PTPRG: variants seen among roughly 807,000 people sequenced by gnomAD.
PTPRG encodes protein tyrosine phosphatase receptor type G, also known as receptor-type tyrosine-protein phosphatase gamma.
A neutral mutation model predicts 165.3 loss-of-function variants in PTPRG; 102 were observed. The observed-to-expected ratio is 0.62, with a 90% confidence interval of 0.53 to 0.73. PTPRG has a LOEUF of 0.73. Ranked by LOEUF, PTPRG falls within the 30% of genes least tolerant of loss-of-function variation. The pLI is 0.00. For synonymous variants in PTPRG, 675 were observed against 669.5 expected (o/e 1.01, Z -0.13); for missense variants, 1,866 against 1,861.4 (o/e 1.00, Z -0.05).
At chr3:61,576,669 G>A (rs573932537) in intron 1 of PTPRG, among the ~76,000 whole-genome samples, 126 of 152,308 alleles carry the variant, frequency 8.3e-4, no homozygotes, top group Admixed American at 4.0e-3. Flanking sequence ...TTCGAAAATA[G>A]CATGAGAAAG....
intron 5 of PTPRG, among the ~76,000 whole-genome samples, chr3:62,096,168 T>C (rs575858506): frequency 6.6e-5 from 10 of 152,174 alleles, no homozygotes; most frequent in Admixed American, 3.9e-4. Flanking sequence ...AAAAATGATA[T>C]CTTTCTATTA....
chr3:61,636,931 T>A (rs762249821), intron 1 of PTPRG, among the ~76,000 whole-genome samples: 13 of 152,180 alleles, frequency 8.5e-5, no homozygotes, highest in Non-Finnish European at 1.8e-4. Context: ...ATTCTTTGAT[T>A]GATCATATGA....
rs11437496 is a variant in PTPRG, at chr3:61,930,040, A to ATT, written c.191-59571_191-59570dup. ...ATGGTAGAATAACAGATAATGCGGTATTTTTTTTTTTTTTTGCTTTTTACT... is the reference window on the plus strand; with the variant it reads ...ATGGTAGAATAACAGATAATGCGGTATTTTTTTTTTTTTTTTTGCTTTTTACT... On this transcript the variant is annotated intron_variant, in intron 2 of 29. Coordinates refer to ENST00000474889, the MANE Select transcript of PTPRG (RefSeq NM_002841.4). 8.0e-4 allele frequency among the ~76,000 whole-genome samples: 109 copies of ATT among 137,082 alleles called. 3 individuals are homozygous for ATT. Among genetic ancestry groups the ATT allele is most frequent in the South Asian group, 5.8e-3 (25 of 4,318 alleles). The allele number at this position is 137,082 out of a possible 152,430, so 89.9% of individuals were successfully genotyped here.
chr3:62,244,317 A>T (rs1701240181), intron 15 of PTPRG, among the ~76,000 whole-genome samples: 1 of 152,150 alleles, frequency 6.6e-6, no homozygotes, highest in Admixed American at 6.5e-5. Context: ...GGTCTGGTGG[A>T]TATTTCACTT....
At position 61,671,938 on chromosome 3, in the gene PTPRG, G is replaced by A. The variant is rs572959509; in HGVS notation, c.86-76940G>A. ...CCCTCCCGGACGAGGTGGCTGCTGG[G>A]CGGAGATGCTCCTCACTTCCCAGAC... On this transcript the variant is annotated intron_variant, in intron 1 of 29. Transcript: ENST00000474889. 1.9e-3 allele frequency among the ~76,000 whole-genome samples: 263 copies of A among 140,974 alleles called. 1 individual carries two copies. The highest frequency in any genetic ancestry group is 3.6e-3 in the Middle Eastern group (1 of 280). The allele number at this position is 140,974 out of a possible 152,430, so 92.5% of individuals were successfully genotyped here. A position where few individuals can be genotyped will look rare whatever the true frequency, so the allele number is the denominator to read the frequency against.
intron 1 of PTPRG, among the ~76,000 whole-genome samples, chr3:61,665,042 C>T (rs372245299): frequency 3.4e-4 from 51 of 152,094 alleles, no homozygotes; most frequent in African/African-American, 1.2e-3. Flanking sequence ...GAATAGGAAC[C>T]CTCACAAGAG....
At chr3:61,836,966 A>C (rs1382349978) in intron 2 of PTPRG, among the ~76,000 whole-genome samples, 1 of 151,826 alleles carries the variant, frequency 6.6e-6, no homozygotes, top group East Asian at 1.9e-4. Flanking sequence ...GCTGGAGTGC[A>C]ATGGCACAAT....
At chr3:61,717,476 A>G (rs2031857821) in intron 1 of PTPRG, among the ~76,000 whole-genome samples, 2 of 152,150 alleles carry the variant, frequency 1.3e-5, no homozygotes, top group Admixed American at 6.5e-5. Context: ...AAGGAGAACT[A>G]GTAGGTGTTA....
intron 2 of PTPRG, among the ~76,000 whole-genome samples, chr3:61,909,191 A>C (rs1181922446): frequency 6.6e-6 from 1 of 152,188 alleles, no homozygotes; most frequent in African/African-American, 2.4e-5. Context: ...AAGATCAGCT[A>C]CTGAGAATTT....
intron 5 of PTPRG, among the ~76,000 whole-genome samples, chr3:62,128,357 A>C (rs147527054): frequency 9.9e-5 from 15 of 152,268 alleles, no homozygotes; most frequent in East Asian, 7.7e-4. Context: ...ATCACTTCTC[A>C]TGTGGCTTTA....
chr3:61,953,233 G>T (rs759760510), intron 2 of PTPRG, among the ~76,000 whole-genome samples: 2 of 151,986 alleles, frequency 1.3e-5, no homozygotes, highest in Non-Finnish European at 2.9e-5. Flanking sequence ...GGCTTTTCTT[G>T]CCCCCAGCTA....
At chr3:61,766,661 G>C (rs1317478047) in intron 2 of PTPRG, among the ~76,000 whole-genome samples, 1 of 150,966 alleles carries the variant, frequency 6.6e-6, no homozygotes. Flanking sequence ...CTGTTGCCCA[G>C]ATTGGAGTGT....
At chr3:62,165,666 C>A (rs1704944745) in intron 7 of PTPRG, among the ~76,000 whole-genome samples, 1 of 152,112 alleles carries the variant, frequency 6.6e-6, no homozygotes, top group African/African-American at 2.4e-5. Context: ...GGTTGTGAAT[C>A]CGTCCTGGTT....
At chr3:61,975,133 G>T (rs1399903198) in intron 2 of PTPRG, among the ~76,000 whole-genome samples, 1 of 152,192 alleles carries the variant, frequency 6.6e-6, no homozygotes, top group Non-Finnish European at 1.5e-5. Context: ...AAGGTAATCT[G>T]TGGACGTTGG....
At chr3:61,872,069 T>G (rs965710903) in intron 2 of PTPRG, among the ~76,000 whole-genome samples, 4 of 152,230 alleles carry the variant, frequency 2.6e-5, no homozygotes, top group Non-Finnish European at 5.9e-5. Flanking sequence ...CATTGACTGT[T>G]GAAATCTCAG....
intron 2 of PTPRG, among the ~76,000 whole-genome samples, chr3:61,924,583 G>A (rs1053124205): frequency 1.3e-5 from 2 of 152,212 alleles, no homozygotes; most frequent in Admixed American, 1.3e-4. Context: ...ATGTAGTAGT[G>A]AACAAGACAG....
chr3:62,272,804 T>G, intron 21 of PTPRG, 142 bp from the exon 22 acceptor site: 1 of 978,246 alleles, frequency 1.0e-6, no homozygotes, highest in East Asian at 3.0e-5. Context: ...GCCACTGCAC[T>G]CCAGCCTGGG....
intron 2 of PTPRG, among the ~76,000 whole-genome samples, chr3:61,972,696 A>C (rs1177635542): frequency 1.4e-5 from 2 of 141,676 alleles, no homozygotes; most frequent in East Asian, 2.1e-4. Flanking sequence ...TCTGTTGCCC[A>C]GGGTGGGGTA....
At chr3:61,728,482 T>C (rs961382745) in intron 1 of PTPRG, among the ~76,000 whole-genome samples, 4 of 151,794 alleles carry the variant, frequency 2.6e-5, no homozygotes, top group Admixed American at 2.6e-4. Flanking sequence ...ACTCGGGAGG[T>C]TGAGGCAAGA....
Sources: allele counts gnomAD v4.1 joint callset (sites outside exome capture counted in the v4.1 genomes callset), GRCh38; gene constraint gnomAD v4.1.1; transcripts MANE v1.5; gene names NCBI Gene and HGNC (gene_info 2026-07-23, HGNC 2026-07-21).